Variants in PEPD observed in about 807,000 individuals in gnomAD.
PEPD encodes the protein peptidase D.
A neutral mutation model predicts 60.7 loss-of-function variants in PEPD; 53 were observed. That is an observed-to-expected ratio of 0.87 (90% CI 0.70 to 1.10). The LOEUF (loss-of-function observed/expected upper bound fraction) is 1.10, where lower values mean the gene tolerates loss of function less well. PEPD is among the 50% of genes least tolerant of loss of function. The pLI is 0.00. For synonymous variants in PEPD, 267 were observed against 284.1 expected, an observed-to-expected ratio of 0.94 and a Z score of 0.60; for missense variants, 711 against 711.9, an observed-to-expected ratio of 1.00 and a Z score of 0.01.
chr19:33,517,112 C>T (rs961460499), intron 1 of PEPD, among the ~76,000 whole-genome samples: 4 of 152,126 alleles, frequency 2.6e-5, no homozygotes, highest in African/African-American at 4.8e-5. Context: ...GCACTGGAGG[C>T]GGAGACTACA....
At chr19:33,487,781 G>A (rs1041981746) in intron 6 of PEPD, among the ~76,000 whole-genome samples, 50 of 152,164 alleles carry the variant, frequency 3.3e-4, no homozygotes, top group Admixed American at 7.2e-4. Flanking sequence ...GGGGTGGGGA[G>A]TTTGCAGAGC....
At chr19:33,482,489 A>G (rs1457255445) in intron 6 of PEPD, among the ~76,000 whole-genome samples, 3 of 152,244 alleles carry the variant, frequency 2.0e-5, no homozygotes, top group Admixed American at 2.0e-4. Context: ...CTAACATCAT[A>G]GCATACTGAA....
chr19:33,502,122 T>G (rs1052826892), intron 3 of PEPD, among the ~76,000 whole-genome samples: 1 of 152,078 alleles, frequency 6.6e-6, no homozygotes, highest in Non-Finnish European at 1.5e-5. Flanking sequence ...GTGACAGAGC[T>G]TACGCAAGGG....
chr19:33,461,848 A>T (rs760776977), intron 9 of PEPD, among the ~76,000 whole-genome samples: 79 of 152,124 alleles, frequency 5.2e-4, no homozygotes, highest in Non-Finnish European at 9.9e-4. Flanking sequence ...CGGCTGACGG[A>T]GCTGGGCTTC....
At chr19:33,493,948 T>C (rs1166169348) in intron 4 of PEPD, among the ~76,000 whole-genome samples, 1 of 152,178 alleles carries the variant, frequency 6.6e-6, no homozygotes, top group African/African-American at 2.4e-5. Flanking sequence ...TCTCCACGCC[T>C]CTGCTCCAGC....
At chr19:33,410,630 C>A (rs1461437272) in intron 11 of PEPD, among the ~76,000 whole-genome samples, 2 of 152,072 alleles carry the variant, frequency 1.3e-5, no homozygotes, top group African/African-American at 4.8e-5. Flanking sequence ...CGGAGGCAGC[C>A]CAGCTGGGCG....
At chr19:33,504,880 GTCC>G (rs1030339038) in intron 3 of PEPD, among the ~76,000 whole-genome samples, 1 of 152,146 alleles carries the variant, frequency 6.6e-6, no homozygotes, top group Non-Finnish European at 1.5e-5. Flanking sequence ...GAGAGGAGAA[GTCC>G]TCCTACCCAA....
chr19:33,391,510 C>G (rs1355047535), intron 12 of PEPD, 31 bp from the exon 13 acceptor site: 7 of 1,539,232 alleles, frequency 4.5e-6, no homozygotes, highest in Non-Finnish European at 5.3e-6. Flanking sequence ...CCGTGAGCCA[C>G]AGAGCCCAGC....
chr19:33,474,988 A>C lies in PEPD; in HGVS notation c.548+3058T>G, dbSNP rs1182188865. Among the ~76,000 whole-genome samples the C allele has an allele frequency of 6.0e-5, 7 of 116,500 alleles. No individual in the cohort carries two copies. In the South Asian group the frequency reaches 1.7e-3, roughly 28 times the overall value. The allele number at this position is 116,500 out of a possible 152,430, so 76.4% of individuals were successfully genotyped here. Reference sequence around the variant, plus strand: ...AAGTGAGATCCTGTCTCTTAAAAAAAAAAAAAAAAAGACATGCCAGTCCTT... The same window carrying C: ...AAGTGAGATCCTGTCTCTTAAAAAACAAAAAAAAAAGACATGCCAGTCCTT... On this transcript the variant is annotated intron_variant, in intron 7 of 14. Coordinates refer to ENST00000244137, the MANE Select transcript of PEPD (RefSeq NM_000285.4).
At chr19:33,480,083 C>G (rs4805891) in intron 6 of PEPD, among the ~76,000 whole-genome samples, 2 of 152,046 alleles carry the variant, frequency 1.3e-5, no homozygotes, top group Non-Finnish European at 2.9e-5. Context: ...GCATCTGTTA[C>G]TTTTTGACTT....
intron 4 of PEPD, among the ~76,000 whole-genome samples, chr19:33,497,783 G>T (rs1970634947): frequency 6.6e-6 from 1 of 152,150 alleles, no homozygotes; most frequent in Admixed American, 6.5e-5. Flanking sequence ...CAGCTCAGGG[G>T]GTTCAGTCCA....
chr19:33,498,962 G>A (rs1568503729), intron 4 of PEPD, among the ~76,000 whole-genome samples: 2 of 152,190 alleles, frequency 1.3e-5, no homozygotes, highest in Non-Finnish European at 2.9e-5. Context: ...GACCTGAAGG[G>A]TCAAGGTTTC....
At chr19:33,408,147 C>T (rs752967779) in intron 11 of PEPD, among the ~76,000 whole-genome samples, 4 of 152,256 alleles carry the variant, frequency 2.6e-5, no homozygotes, top group Admixed American at 6.5e-5. Flanking sequence ...CCCCAAACCC[C>T]GCTTGATGTA....
chr19:33,457,025 T>G, intron 9 of PEPD, among the ~76,000 whole-genome samples: 1 of 148,392 alleles, frequency 6.7e-6, no homozygotes, highest in East Asian at 2.0e-4. Context: ...CCACCCAGAG[T>G]GCCCGGCAAC....
chr19:33,417,050 G>T (rs566100556), intron 9 of PEPD, among the ~76,000 whole-genome samples: 1 of 152,330 alleles, frequency 6.6e-6, no homozygotes, highest in Non-Finnish European at 1.5e-5. Context: ...GCCCTCAGAA[G>T]TTTATCACCT....
intron 9 of PEPD, among the ~76,000 whole-genome samples, chr19:33,438,124 C>T (rs535595715): frequency 6.6e-6 from 1 of 152,338 alleles, no homozygotes; most frequent in South Asian, 2.1e-4. Context: ...ACACAGGCTG[C>T]AGGGATGTCC....
At chr19:33,420,531 G>A (rs1046645911) in intron 9 of PEPD, among the ~76,000 whole-genome samples, 2 of 151,922 alleles carry the variant, frequency 1.3e-5, no homozygotes, top group African/African-American at 4.8e-5. Context: ...GGTAAAACCC[G>A]TCTCTACTAA....
At chr19:33,413,683 C>G in intron 9 of PEPD, 40 bp from the exon 10 acceptor site, 2 of 1,236,844 alleles carry the variant, frequency 1.6e-6, no homozygotes, top group East Asian at 2.5e-5. Context: ...GGCACTAGAG[C>G]AGGCACACCC....
chr19:33,414,045 C>G (rs1403319354), intron 9 of PEPD, among the ~76,000 whole-genome samples: 1 of 152,228 alleles, frequency 6.6e-6, no homozygotes, highest in African/African-American at 2.4e-5. Flanking sequence ...TTCCCTGTGA[C>G]TCCGTGCCCA....
Sources: gnomAD v4.1 joint callset for allele counts (sites outside exome capture counted in the v4.1 genomes callset) on GRCh38, gnomAD v4.1.1 for gene constraint, MANE v1.5 for transcripts, NCBI Gene and HGNC (gene_info 2026-07-23, HGNC 2026-07-21) for gene names.